NLGN1: variants seen among roughly 807,000 people sequenced by gnomAD.
The protein encoded by NLGN1 is neuroligin-1.
A neutral mutation model predicts 65.5 loss-of-function variants in NLGN1; 12 were observed. The observed-to-expected ratio is 0.18, with a 90% CI of 0.12 to 0.30. The LOEUF is 0.30. Ranked by LOEUF, NLGN1 falls within the 10% of genes least tolerant of loss-of-function variation. NLGN1 has a pLI of 1.00. For synonymous variants in NLGN1, 350 were observed against 359.5 expected (o/e 0.97, Z 0.30); for missense variants, 750 against 1,007.1 (o/e 0.74, Z 3.46).
chr3:173,612,834 T>C (rs745765577), intron 3 of NLGN1, among the ~76,000 whole-genome samples: 3 of 152,108 alleles, frequency 2.0e-5, no homozygotes, highest in Admixed American at 1.3e-4. Context: ...GTTGGTTCTT[T>C]CTGAGGGCTG....
intron 4 of NLGN1, among the ~76,000 whole-genome samples, chr3:174,235,840 A>T (rs1741600603): frequency 6.6e-6 from 1 of 152,186 alleles, no homozygotes; most frequent in African/African-American, 2.4e-5. Flanking sequence ...AACGTGACCT[A>T]AAAAAGGCAA....
At chr3:173,478,877 G>T (rs1368559797) in intron 2 of NLGN1, among the ~76,000 whole-genome samples, 3 of 151,396 alleles carry the variant, frequency 2.0e-5, no homozygotes, top group Non-Finnish European at 4.4e-5. Context: ...GGGAGACAGA[G>T]CAAGACCGTG....
chr3:173,557,506 T>C (rs1339923345), intron 2 of NLGN1, among the ~76,000 whole-genome samples: 1 of 152,146 alleles, frequency 6.6e-6, no homozygotes, highest in African/African-American at 2.4e-5. Flanking sequence ...TTGCCCTATT[T>C]AACTTTCTTG....
chr3:173,415,913 AGAGAGG>A (rs1248709023), intron 1 of NLGN1, among the ~76,000 whole-genome samples: 5 of 134,908 alleles, frequency 3.7e-5, no homozygotes, highest in African/African-American at 7.0e-5. Context: ...ATAGAGAGAG[AGAGAGG>A]GAGAGAGAGA....
At chr3:173,411,862 C>T (rs1712642270) in intron 1 of NLGN1, among the ~76,000 whole-genome samples, 1 of 152,006 alleles carries the variant, frequency 6.6e-6, no homozygotes. Flanking sequence ...CAGAGGGAGC[C>T]ACTTACACAC....
intron 2 of NLGN1, among the ~76,000 whole-genome samples, chr3:173,451,912 G>T (rs1721620409): frequency 6.6e-6 from 1 of 152,194 alleles, no homozygotes; most frequent in Non-Finnish European, 1.5e-5. Flanking sequence ...TTGGAAAAGT[G>T]CAGTATTAGG....
chr3:174,132,707 A>G (rs1418708595), intron 4 of NLGN1, among the ~76,000 whole-genome samples: 2 of 152,192 alleles, frequency 1.3e-5, no homozygotes, highest in African/African-American at 2.4e-5. Context: ...TTCTTTATCC[A>G]GTAATGAGAT....
intron 3 of NLGN1, among the ~76,000 whole-genome samples, chr3:173,635,320 C>T (rs1190855866): frequency 6.6e-6 from 1 of 152,088 alleles, no homozygotes; most frequent in Non-Finnish European, 1.5e-5. Flanking sequence ...AACAATACCA[C>T]TCCTGCAAAT....
At chr3:173,954,839 T>C (rs776629752) in intron 4 of NLGN1, among the ~76,000 whole-genome samples, 2 of 152,130 alleles carry the variant, frequency 1.3e-5, no homozygotes, top group Non-Finnish European at 2.9e-5. Flanking sequence ...ACAGGAATAG[T>C]GCATTAGCTC....
At chr3:173,636,213 C>CCCA (rs1192925055) in intron 3 of NLGN1, among the ~76,000 whole-genome samples, 1 of 151,960 alleles carries the variant, frequency 6.6e-6, no homozygotes, top group African/African-American at 2.4e-5. Flanking sequence ...TTCCTCCTAC[C>CCCA]CCACCGCTGC....
chr3:173,611,212 A>G (rs1458747272), intron 3 of NLGN1, among the ~76,000 whole-genome samples: 2 of 152,030 alleles, frequency 1.3e-5, no homozygotes, highest in South Asian at 2.1e-4. Flanking sequence ...AGATCTTCCT[A>G]TGGTCTAGAC....
chr3:174,028,259 G>A (rs1017380280), intron 4 of NLGN1, among the ~76,000 whole-genome samples: 8 of 152,168 alleles, frequency 5.3e-5, no homozygotes, highest in African/African-American at 1.9e-4. Flanking sequence ...ACAGTTTGGA[G>A]GGCTCAGAAG....
At chr3:173,460,486 C>G (rs1723200420) in intron 2 of NLGN1, among the ~76,000 whole-genome samples, 1 of 152,090 alleles carries the variant, frequency 6.6e-6, no homozygotes, top group African/African-American at 2.4e-5. Context: ...TAAGATTGAA[C>G]TATTAAAGTG....
At chr3:173,515,388 C>T (rs895775556) in intron 2 of NLGN1, among the ~76,000 whole-genome samples, 3 of 152,018 alleles carry the variant, frequency 2.0e-5, no homozygotes, top group African/African-American at 2.4e-5. Flanking sequence ...GGAGTTTAAA[C>T]GCTTATCAGA....
chr3:173,409,889 A>G (rs1045058444), intron 1 of NLGN1, among the ~76,000 whole-genome samples: 9 of 152,338 alleles, frequency 5.9e-5, no homozygotes, highest in South Asian at 2.1e-4. Context: ...GGTTAATGCC[A>G]GGTGCTTACT....
At chr3:173,474,465 A>G (rs1576864778) in intron 2 of NLGN1, among the ~76,000 whole-genome samples, 1 of 152,214 alleles carries the variant, frequency 6.6e-6, no homozygotes, top group Admixed American at 6.5e-5. Flanking sequence ...TACAAACTAT[A>G]TATTCTCATA....
At chr3:173,901,836 G>C (rs1737438185) in intron 4 of NLGN1, among the ~76,000 whole-genome samples, 1 of 152,016 alleles carries the variant, frequency 6.6e-6, no homozygotes, top group Non-Finnish European at 1.5e-5. Flanking sequence ...GAATTGAAAG[G>C]ACGTACTGCA....
At chr3:173,870,553 A>G (rs1238169172) in intron 4 of NLGN1, among the ~76,000 whole-genome samples, 1 of 152,186 alleles carries the variant, frequency 6.6e-6, no homozygotes, top group African/African-American at 2.4e-5. Flanking sequence ...ACTGTTCAGT[A>G]AAAGGAGCAT....
At chr3:173,909,673 T>C (rs1226842233) in intron 4 of NLGN1, among the ~76,000 whole-genome samples, 2 of 152,160 alleles carry the variant, frequency 1.3e-5, no homozygotes, top group Non-Finnish European at 2.9e-5. Flanking sequence ...TTTATTTATT[T>C]ATTCATTTAC....
Sources: allele counts gnomAD v4.1 joint callset (sites outside exome capture counted in the v4.1 genomes callset), GRCh38; gene constraint gnomAD v4.1.1; transcripts MANE v1.5; gene names NCBI Gene and HGNC (gene_info 2026-07-23, HGNC 2026-07-21).